The following NFASC variants were observed in gnomAD, a reference collection of about 807,000 sequenced individuals.
NFASC encodes neurofascin.
NFASC carries 43 observed loss-of-function variants against 147.5 expected under a neutral mutation model. That is an observed-to-expected ratio of 0.29 (90% confidence interval 0.23 to 0.38). The LOEUF is 0.38. Ranked by LOEUF, NFASC falls within the 10% of genes least tolerant of loss-of-function variation. The pLI is 1.00. For synonymous variants in NFASC, 622 were observed against 665.5 expected, an observed-to-expected ratio of 0.93 and a Z score of 1.01; for missense variants, 1,320 against 1,689.0, an observed-to-expected ratio of 0.78 and a Z score of 3.83.
intron 1 of NFASC, among the ~76,000 whole-genome samples, chr1:204,913,346 A>G (rs1369060068): frequency 1.3e-5 from 2 of 152,196 alleles, no homozygotes; most frequent in Non-Finnish European, 2.9e-5. Flanking sequence ...GTCTGATTCT[A>G]GAGGAATCTG....
rs535638635 is a variant in NFASC at position 205,014,704 on chromosome 1, C to G, written c.3492-1604C>G. On this transcript the variant is annotated intron_variant, in intron 29 of 29. Coordinates refer to ENST00000339876, the MANE Select transcript of NFASC (RefSeq NM_001005388.3). ...CAACAGCCTGGCATGCTACAGATCTCTTCCCCCGCCCCTTCCACTGGCTGG... is the reference window on the plus strand; with the variant it reads ...CAACAGCCTGGCATGCTACAGATCTGTTCCCCCGCCCCTTCCACTGGCTGG... Among the ~76,000 whole-genome samples, 13 of 152,316 alleles carry G rather than the reference C, an allele frequency of 8.5e-5. No individual in the cohort carries two copies. The East Asian group carries it at 2.5e-3, about 29-fold the overall frequency.
At position 204,983,992 on chromosome 1, in the gene NFASC, C is replaced by T. The variant is rs955252169; in HGVS notation, c.2470+1972C>T. 3 of 1,465,972 alleles carry T rather than the reference C, an allele frequency of 2.0e-6. No homozygotes were observed. In the African/African-American group the frequency reaches 4.2e-5, roughly 20 times the overall value. 90.8% of individuals were successfully genotyped at this position (1,465,972 alleles called of 1,614,324 possible). ...GTCAGAAGCAACTGTAGAGTCCTGC[C>T]TGCATAACCAGCTCTCTGTCCCAAC... On this transcript the variant is annotated intron_variant, in intron 21 of 29. Transcript: ENST00000339876.
chr1:204,962,076 C>T, intron 8 of NFASC: 1 of 1,592,722 alleles, frequency 6.3e-7, no homozygotes, highest in Non-Finnish European at 8.6e-7. Context: ...TCCGTGGCCT[C>T]CTGTTTGCTC....
chr1:204,858,603 A>C (rs1401518139), intron 1 of NFASC, among the ~76,000 whole-genome samples: 1 of 152,130 alleles, frequency 6.6e-6, no homozygotes. Flanking sequence ...GGCAACAGGC[A>C]GCTCCAGCAG....
chr1:204,925,089 G>A (rs1423806713), intron 2 of NFASC, among the ~76,000 whole-genome samples: 1 of 152,154 alleles, frequency 6.6e-6, no homozygotes, highest in Non-Finnish European at 1.5e-5. Flanking sequence ...TGGCCAGGCT[G>A]GTCTTGAACT....
At chr1:204,911,160 A>G (rs767160476) in intron 1 of NFASC, among the ~76,000 whole-genome samples, 1 of 152,166 alleles carries the variant, frequency 6.6e-6, no homozygotes, top group Non-Finnish European at 1.5e-5. Context: ...ATGAGTGTCT[A>G]ATTTTGTCAG....
At chr1:204,845,601 C>A (rs980573652) in intron 1 of NFASC, among the ~76,000 whole-genome samples, 1 of 152,026 alleles carries the variant, frequency 6.6e-6, no homozygotes, top group Non-Finnish European at 1.5e-5. Flanking sequence ...TGGGGTGGAA[C>A]CTTGAAAGAT....
chr1:204,889,140 A>G (rs2081909187), intron 1 of NFASC, among the ~76,000 whole-genome samples: 1 of 152,224 alleles, frequency 6.6e-6, no homozygotes, highest in African/African-American at 2.4e-5. Context: ...AATTTCTCTT[A>G]CCTGATTTCA....
At chr1:204,913,297 C>G (rs1381750484) in intron 1 of NFASC, among the ~76,000 whole-genome samples, 2 of 151,778 alleles carry the variant, frequency 1.3e-5, no homozygotes, top group African/African-American at 4.8e-5. Flanking sequence ...AATATGACTC[C>G]AATAAAAATA....
chr1:204,872,910 G>A (rs1166511858), intron 1 of NFASC, among the ~76,000 whole-genome samples: 1 of 152,108 alleles, frequency 6.6e-6, no homozygotes, highest in East Asian at 1.9e-4. Context: ...TTAAAATCAA[G>A]GATCCTGAAA....
intron 11 of NFASC, among the ~76,000 whole-genome samples, chr1:204,971,141 A>G (rs919731605): frequency 1.3e-5 from 2 of 152,128 alleles, no homozygotes; most frequent in Non-Finnish European, 2.9e-5. Context: ...TCAGTAACCC[A>G]TTGTTGGTTA....
intron 27 of NFASC, among the ~76,000 whole-genome samples, chr1:205,007,204 A>G (rs925749259): frequency 2.0e-5 from 3 of 151,990 alleles, no homozygotes; most frequent in South Asian, 4.2e-4. Flanking sequence ...ACCAGCCTCC[A>G]CAACATAGCA....
chr1:204,861,575 C>A (rs563387665), intron 1 of NFASC, among the ~76,000 whole-genome samples: 1 of 152,146 alleles, frequency 6.6e-6, no homozygotes, highest in Non-Finnish European at 1.5e-5. Flanking sequence ...CTGCAAGCTC[C>A]GCCTTCAGGG....
At chr1:204,872,636 G>A (rs1251746614) in intron 1 of NFASC, among the ~76,000 whole-genome samples, 1 of 152,162 alleles carries the variant, frequency 6.6e-6, no homozygotes, top group African/African-American at 2.4e-5. Context: ...GTCATTTGCT[G>A]TGGGAGGCTT....
At chr1:204,919,721 C>T (rs1044798732) in intron 1 of NFASC, among the ~76,000 whole-genome samples, 5 of 151,940 alleles carry the variant, frequency 3.3e-5, no homozygotes, top group East Asian at 1.9e-4. Flanking sequence ...CTCTGCCTCC[C>T]GGGTTCAAGC....
At chr1:204,845,918 C>T (rs1200501498) in intron 1 of NFASC, among the ~76,000 whole-genome samples, 2 of 152,026 alleles carry the variant, frequency 1.3e-5, no homozygotes, top group African/African-American at 2.4e-5. Context: ...CCAATAAGCT[C>T]ATGAGGTTAT....
At chr1:204,870,660 G>GAC in intron 1 of NFASC, 1 of 1,063,568 alleles carries the variant, frequency 9.4e-7, no homozygotes, top group East Asian at 8.0e-5. Flanking sequence ...GCATGAGGGA[G>GAC]ACCCAGCGGT....
At chr1:204,945,829 C>T (rs2093689349) in intron 3 of NFASC, among the ~76,000 whole-genome samples, 1 of 152,136 alleles carries the variant, frequency 6.6e-6, no homozygotes, top group African/African-American at 2.4e-5. Context: ...AAGGCCAAGT[C>T]CCCGGAGGGA....
intron 1 of NFASC, among the ~76,000 whole-genome samples, chr1:204,832,532 A>G (rs1040701525): frequency 3.9e-5 from 6 of 152,148 alleles, no homozygotes; most frequent in Admixed American, 6.5e-5. Flanking sequence ...CTTAGAAGCT[A>G]TACACTTGAC....
Sources: allele counts gnomAD v4.1 joint callset (sites outside exome capture counted in the v4.1 genomes callset), GRCh38; gene constraint gnomAD v4.1.1; transcripts MANE v1.5; gene names NCBI Gene and HGNC (gene_info 2026-07-23, HGNC 2026-07-21).